The following PPP2R2B variants were observed in gnomAD, a reference collection of about 807,000 sequenced individuals.
PPP2R2B encodes serine/threonine-protein phosphatase 2A 55 kDa regulatory subunit B beta isoform.
PPP2R2B carries 5 observed loss-of-function variants against 46.0 expected under a neutral mutation model. The ratio of observed to expected loss-of-function variants is 0.11; its 90% CI spans 0.06 to 0.23. The LOEUF is 0.23. Ranked by LOEUF, PPP2R2B falls within the 10% of genes least tolerant of loss-of-function variation. PPP2R2B has a pLI of 1.00. For synonymous variants in PPP2R2B, 215 were observed against 206.7 expected (o/e 1.04, Z -0.34); for missense variants, 367 against 575.0 (o/e 0.64, Z 3.70).
intron 1 of PPP2R2B, among the ~76,000 whole-genome samples, chr5:146,917,183 G>C (rs1299742363): frequency 6.6e-6 from 1 of 152,194 alleles, no homozygotes; most frequent in East Asian, 1.9e-4. Context: ...AAAGCAAGCT[G>C]CATCATAGTT....
intron 1 of PPP2R2B, among the ~76,000 whole-genome samples, chr5:147,032,558 C>G (rs1755839655): frequency 6.6e-6 from 1 of 152,132 alleles, no homozygotes; most frequent in East Asian, 1.9e-4. Flanking sequence ...CATTCTTATG[C>G]CTTTGCATCC....
intron 1 of PPP2R2B, among the ~76,000 whole-genome samples, chr5:147,053,271 A>C (rs1756919959): frequency 6.6e-6 from 1 of 151,948 alleles, no homozygotes; most frequent in African/African-American, 2.4e-5. Flanking sequence ...ACAAACAAAC[A>C]AAAACAATGA....
intron 9 of PPP2R2B, among the ~76,000 whole-genome samples, chr5:146,591,377 C>T (rs1581659141): frequency 1.3e-5 from 2 of 152,198 alleles, no homozygotes; most frequent in East Asian, 3.8e-4. Context: ...CAAACTGATA[C>T]TGTGAACTGT....
chr5:147,075,610 C>CAAA (rs1196702594), intron 2 of PPP2R2B, among the ~76,000 whole-genome samples: 5 of 152,166 alleles, frequency 3.3e-5, no homozygotes, highest in African/African-American at 4.8e-5. Flanking sequence ...AAATGAAGCT[C>CAAA]ATGATTTTTC....
upstream of PPP2R2B, among the ~76,000 whole-genome samples, chr5:147,060,244 G>A (rs6896858): frequency 3.3e-5 from 5 of 151,844 alleles, no homozygotes; most frequent in Non-Finnish European, 5.9e-5. Context: ...TAAAATACTC[G>A]TTCATTATTG....
At chr5:146,617,954 A>G (rs181545031) in intron 7 of PPP2R2B, among the ~76,000 whole-genome samples, 166 of 152,210 alleles carry the variant, frequency 1.1e-3, no homozygotes, top group African/African-American at 3.9e-3. Context: ...TTGGCCTCCC[A>G]AAGTGCTGGG....
intron 5 of PPP2R2B, among the ~76,000 whole-genome samples, chr5:146,653,999 C>A (rs1400834290): frequency 6.6e-6 from 1 of 152,204 alleles, no homozygotes; most frequent in Non-Finnish European, 1.5e-5. Flanking sequence ...TAGGAAACCA[C>A]ATTGCGACTG....
intron 1 of PPP2R2B, among the ~76,000 whole-genome samples, chr5:146,923,274 A>C (rs1561520963): frequency 6.6e-6 from 1 of 152,196 alleles, no homozygotes; most frequent in African/African-American, 2.4e-5. Flanking sequence ...AGAGGTCTGA[A>C]GGACCAGAGG....
intron 2 of PPP2R2B, among the ~76,000 whole-genome samples, chr5:146,792,312 G>A (rs79930577): frequency 0.019 from 2,840 of 152,264 alleles, 73 homozygotes; most frequent in African/African-American, 0.063. Flanking sequence ...AATAGTTCAA[G>A]AGCCCAGCCA....
chr5:147,077,275 TACAC>T (rs370176510), intron 2 of PPP2R2B, among the ~76,000 whole-genome samples: 51,262 of 140,194 alleles, frequency 0.37, 10,622 homozygotes, highest in Middle Eastern at 0.55. Context: ...TATGTGTGTA[TACAC>T]ACACACACAC....
chr5:146,706,852 G>C, intron 2 of PPP2R2B: 1 of 1,159,692 alleles, frequency 8.6e-7, no homozygotes, highest in Non-Finnish European at 1.3e-6. Context: ...TGCTGTCCGT[G>C]TCCAGGGAGC....
intron 1 of PPP2R2B, among the ~76,000 whole-genome samples, chr5:147,015,810 T>C (rs920987685): frequency 2.7e-5 from 4 of 150,874 alleles, no homozygotes; most frequent in African/African-American, 9.7e-5. Flanking sequence ...GCTAATAGTT[T>C]ACTTGCAGTA....
intron 2 of PPP2R2B, among the ~76,000 whole-genome samples, chr5:146,850,437 T>C (rs538721708): frequency 3.3e-5 from 5 of 152,178 alleles, no homozygotes; most frequent in Non-Finnish European, 5.9e-5. Flanking sequence ...TCATATATTT[T>C]TGCAAGACTC....
chr5:146,962,745 T>G (rs1162300354), intron 1 of PPP2R2B, among the ~76,000 whole-genome samples: 1 of 152,182 alleles, frequency 6.6e-6, no homozygotes, highest in Non-Finnish European at 1.5e-5. Flanking sequence ...AGTATAACCT[T>G]ATTTGATTCT....
At chr5:147,012,686 G>T (rs1388671967) in intron 1 of PPP2R2B, among the ~76,000 whole-genome samples, 2 of 151,118 alleles carry the variant, frequency 1.3e-5, no homozygotes, top group Non-Finnish European at 3.0e-5. Flanking sequence ...TGTCAATTTT[G>T]GATCTTTCCT....
intron 5 of PPP2R2B, among the ~76,000 whole-genome samples, chr5:146,685,355 AATG>A (rs1412753538): frequency 1.3e-5 from 2 of 152,240 alleles, no homozygotes; most frequent in Non-Finnish European, 2.9e-5. Flanking sequence ...TAAGTCACAG[AATG>A]ATGATAAAGA....
chr5:146,627,500 T>A (rs1205226843), intron 7 of PPP2R2B, among the ~76,000 whole-genome samples: 1 of 152,176 alleles, frequency 6.6e-6, no homozygotes, highest in Non-Finnish European at 1.5e-5. Flanking sequence ...GCAGAATTAA[T>A]TCTATGGTTG....
At chr5:146,603,536 T>C (rs977337490) in intron 7 of PPP2R2B, among the ~76,000 whole-genome samples, 4 of 152,098 alleles carry the variant, frequency 2.6e-5, no homozygotes, top group African/African-American at 9.7e-5. Flanking sequence ...ATTTGTGGAG[T>C]GCCGGCTTTA....
intron 2 of PPP2R2B, among the ~76,000 whole-genome samples, chr5:146,839,867 C>T (rs1759521184): frequency 6.6e-6 from 1 of 152,218 alleles, no homozygotes; most frequent in Non-Finnish European, 1.5e-5. Context: ...CAATTTTATT[C>T]ATCCTTCTTT....
Sources: allele counts gnomAD v4.1 joint callset (sites outside exome capture counted in the v4.1 genomes callset), GRCh38; gene constraint gnomAD v4.1.1; transcripts MANE v1.5; gene names NCBI Gene and HGNC (gene_info 2026-07-23, HGNC 2026-07-21).